The following KDM2B variants were observed in gnomAD, a reference collection of about 807,000 sequenced individuals.
The protein encoded by KDM2B is lysine demethylase 2B.
A neutral mutation model predicts 150.0 loss-of-function variants in KDM2B; 26 were observed. The observed-to-expected ratio is 0.17, with a 90% CI of 0.13 to 0.24. The LOEUF (loss-of-function observed/expected upper bound fraction) is 0.24. Ranked by LOEUF, KDM2B falls within the 10% of genes least tolerant of loss-of-function variation. The pLI is 1.00. For synonymous variants in KDM2B, 734 were observed against 729.5 expected (o/e 1.01, Z -0.10); for missense variants, 1,265 against 1,816.9 (o/e 0.70, Z 5.52).
chr12:121,472,563 C>A (rs1176912427), intron 12 of KDM2B, among the ~76,000 whole-genome samples: 4 of 152,166 alleles, frequency 2.6e-5, no homozygotes, highest in East Asian at 1.9e-4. Flanking sequence ...AGTGAGAATT[C>A]TTCTCCTAAT....
Position 121,495,808 on chromosome 12 carries a change from G to A in KDM2B, c.1648-1143C>T, listed in dbSNP as rs562136797. 1.2e-4 allele frequency among the ~76,000 whole-genome samples: 18 copies of A among 152,180 alleles called. 1 individual carries two copies. In the South Asian group the frequency reaches 3.7e-3, roughly 32 times the overall value. The stretch of plus-strand genomic sequence containing the variant: ...GACGTGTAAATGTTTTTTGCAACAT[G>A]GGCCCTAAATACAAGAAGATGCTTG... On this transcript the variant is annotated intron_variant, in intron 11 of 22. Coordinates refer to ENST00000377071, the MANE Select transcript of KDM2B (RefSeq NM_032590.5).
At chr12:121,548,018 A>T (rs1439084606) in intron 6 of KDM2B, among the ~76,000 whole-genome samples, 1 of 152,156 alleles carries the variant, frequency 6.6e-6, no homozygotes, top group Non-Finnish European at 1.5e-5. Context: ...CTGTTACTCA[A>T]GTCCTTGAAC....
chr12:121,471,894 C>T (rs1187470647), intron 12 of KDM2B, among the ~76,000 whole-genome samples: 1 of 152,068 alleles, frequency 6.6e-6, no homozygotes, highest in Admixed American at 6.6e-5. Flanking sequence ...AGGCTTTGGG[C>T]GTGGATCACT....
At chr12:121,572,177 A>C (rs1225262518) in intron 4 of KDM2B, among the ~76,000 whole-genome samples, 2 of 152,212 alleles carry the variant, frequency 1.3e-5, no homozygotes, top group African/African-American at 2.4e-5. Flanking sequence ...TAGCTTGGAC[A>C]AAAGCACGAG....
chr12:121,477,358 C>A (rs1881498486), intron 12 of KDM2B, among the ~76,000 whole-genome samples: 1 of 151,906 alleles, frequency 6.6e-6, no homozygotes, highest in Middle Eastern at 3.4e-3. Flanking sequence ...GGCCTGGCCC[C>A]AGTTATTTTT....
At chr12:121,542,281 A>G (rs1176058291) in intron 6 of KDM2B, among the ~76,000 whole-genome samples, 2 of 152,210 alleles carry the variant, frequency 1.3e-5, no homozygotes, top group African/African-American at 4.8e-5. Flanking sequence ...CTTCCAGCCC[A>G]TAGAGGCTTC....
At chr12:121,566,979 T>C (rs1422503700) in intron 4 of KDM2B, among the ~76,000 whole-genome samples, 10 of 151,968 alleles carry the variant, frequency 6.6e-5, no homozygotes, top group Admixed American at 5.9e-4. Context: ...CCTCCCAGGT[T>C]CAGGTGATTC....
intron 21 of KDM2B, chr12:121,440,483 A>G (rs1376327838): frequency 5.3e-6 from 2 of 377,612 alleles, no homozygotes; most frequent in Admixed American, 4.3e-5. Flanking sequence ...CTTGAAACCA[A>G]CGAGGGGCAA....
intron 11 of KDM2B, among the ~76,000 whole-genome samples, chr12:121,507,243 G>A (rs1340520435): frequency 1.4e-5 from 2 of 143,130 alleles, no homozygotes; most frequent in Non-Finnish European, 1.5e-5. Flanking sequence ...GCATGCCTAT[G>A]GTCCCAGCTA....
intron 12 of KDM2B, among the ~76,000 whole-genome samples, chr12:121,476,196 G>A (rs1409570769): frequency 7.9e-5 from 12 of 152,028 alleles, no homozygotes; most frequent in African/African-American, 2.4e-4. Flanking sequence ...TCGGGAGGCT[G>A]AGGCAGGAGA....
intron 4 of KDM2B, among the ~76,000 whole-genome samples, chr12:121,567,010 T>C (rs1208511371): frequency 2.0e-5 from 3 of 151,762 alleles, no homozygotes; most frequent in African/African-American, 7.3e-5. Context: ...GCCTCCTGAG[T>C]AGCTGGGATT....
At chr12:121,511,282 T>A (rs1555303960) in intron 10 of KDM2B, among the ~76,000 whole-genome samples, 1 of 105,014 alleles carries the variant, frequency 9.5e-6, no homozygotes, top group Non-Finnish European at 1.8e-5. Context: ...ATGCTAGGAA[T>A]TTTTTTTTTT....
intron 4 of KDM2B, among the ~76,000 whole-genome samples, chr12:121,558,517 G>C (rs562430937): frequency 1.6e-4 from 24 of 149,990 alleles, no homozygotes; most frequent in Admixed American, 1.3e-3. Context: ...ACAGTGGTGC[G>C]ATCTCGGCTC....
chr12:121,443,674 G>A lies in KDM2B; in HGVS notation c.2565+6C>T. ...GGCCTCAGGAGGGCGTGCGTCGTGG[G>A]AGCACCTGCTGCTGGAAGTAAGTGA... On this transcript the variant is annotated splice_donor_region_variant and intron_variant, in intron 17 of 22. Coordinates refer to ENST00000377071, the MANE Select transcript of KDM2B (RefSeq NM_032590.5). 2.3e-5 allele frequency: 36 copies of A among 1,589,618 alleles called. No individual in the cohort carries two copies. The highest frequency in any genetic ancestry group is 2.9e-5 in the Non-Finnish European group (34 of 1,161,114).
the KDM2B span, among the ~76,000 whole-genome samples, chr12:121,411,012 A>G: frequency 1.3e-5 from 2 of 152,094 alleles, no homozygotes; most frequent in African/African-American, 4.8e-5. Flanking sequence ...ATAGCTCACC[A>G]TAGTCTCAAC....
intron 12 of KDM2B, among the ~76,000 whole-genome samples, chr12:121,485,642 T>A (rs1164761612): frequency 1.3e-5 from 2 of 152,032 alleles, no homozygotes; most frequent in African/African-American, 4.8e-5. Context: ...GGGGTGAGTG[T>A]TAAACAGGGC....
chr12:121,444,739 G>A (rs1212553832), intron 14 of KDM2B: 3 of 600,876 alleles, frequency 5.0e-6, no homozygotes, highest in Middle Eastern at 4.5e-4. Flanking sequence ...TTCAGAGGCT[G>A]AGCCCCTTTG....
chr12:121,449,653 T>C (rs143319643), intron 13 of KDM2B, among the ~76,000 whole-genome samples: 113 of 152,274 alleles, frequency 7.4e-4, no homozygotes, highest in African/African-American at 2.3e-3. Context: ...CTGGCACACA[T>C]TGGGTTTTAG....
At chr12:121,504,556 G>A (rs1429154382) in intron 11 of KDM2B, among the ~76,000 whole-genome samples, 1 of 152,000 alleles carries the variant, frequency 6.6e-6, no homozygotes, top group Non-Finnish European at 1.5e-5. Context: ...CAAAACCTAC[G>A]TTACAATGAA....
Sources: allele counts gnomAD v4.1 joint callset (sites outside exome capture counted in the v4.1 genomes callset), GRCh38; gene constraint gnomAD v4.1.1; transcripts MANE v1.5; gene names NCBI Gene and HGNC (gene_info 2026-07-23, HGNC 2026-07-21).